The following ADAMTS17 variants were observed in gnomAD, a reference collection of about 807,000 sequenced individuals.
The protein encoded by ADAMTS17 is A disintegrin and metalloproteinase with thrombospondin motifs 17.
In ADAMTS17, 113 loss-of-function variants were observed where a neutral mutation model predicts 141.5. That is an observed-to-expected ratio of 0.80 (90% CI 0.69 to 0.93). The LOEUF is 0.93. ADAMTS17 is among the 40% of genes least tolerant of loss of function. The pLI, the probability that ADAMTS17 is intolerant of heterozygous loss-of-function variation, is 0.00. For missense variants in ADAMTS17, 1,659 were observed against 1,517.9 expected (o/e 1.09, Z -1.54); for synonymous variants, 768 against 630.6 (o/e 1.22, Z -3.27).
In ADAMTS17 at chr15:100,331,032, T is replaced by C. The variant is rs1407156322; in HGVS notation, c.473A>G (p.Gln158Arg). The change falls in exon 3 of 22, where the codon CAG (glutamine) becomes CGG (arginine). Residue 158 changes from glutamine to arginine, a missense_variant. Gln to Arg is a conservative substitution (Grantham distance 43). Transcript: ENST00000268070. ...GAGGGGCTGGATTAGCACCTGCTCC[T>C]GCCCAAGCTGAATGAGGCCAACCTG... ...GGLVGLIQLG[Q>R]EQVLIQPLNN... 2.5e-6 allele frequency: 4 copies of C among 1,614,164 alleles called. 1 individual carries two copies. The highest frequency in any genetic ancestry group is 2.2e-5 in the South Asian group (2 of 91,086).
chr15:100,187,704 C>T (rs1399332357), intron 8 of ADAMTS17, among the ~76,000 whole-genome samples: 2 of 152,200 alleles, frequency 1.3e-5, no homozygotes, highest in Non-Finnish European at 2.9e-5. Context: ...TGCCAACTCC[C>T]TATTTCACCA....
chr15:99,990,730 T>G (rs1345737821), intron 20 of ADAMTS17, among the ~76,000 whole-genome samples: 1 of 152,070 alleles, frequency 6.6e-6, no homozygotes, highest in Non-Finnish European at 1.5e-5. Flanking sequence ...TGATAAATTT[T>G]GCCTTCCAAT....
chr15:100,010,128 T>G (rs1048048894), intron 18 of ADAMTS17, among the ~76,000 whole-genome samples: 1 of 152,204 alleles, frequency 6.6e-6, no homozygotes, highest in African/African-American at 2.4e-5. Context: ...AGATGTGCCT[T>G]TGTTCTCTTT....
At chr15:100,106,537 C>T (rs572440029) in intron 14 of ADAMTS17, among the ~76,000 whole-genome samples, 18 of 152,262 alleles carry the variant, frequency 1.2e-4, no homozygotes, top group African/African-American at 4.3e-4. Flanking sequence ...TGGATGGAGC[C>T]CATTGGCACA....
intron 8 of ADAMTS17, among the ~76,000 whole-genome samples, chr15:100,165,903 T>C (rs968613863): frequency 1.3e-5 from 2 of 152,182 alleles, no homozygotes; most frequent in African/African-American, 2.4e-5. Context: ...TGTTTTTTTT[T>C]CCAGAATGGC....
At chr15:100,262,795 AAAC>A (rs1567450508) in intron 4 of ADAMTS17, among the ~76,000 whole-genome samples, 2 of 151,654 alleles carry the variant, frequency 1.3e-5, no homozygotes, top group Admixed American at 6.6e-5. Flanking sequence ...AAAAAAAAAA[AAAC>A]AAAAAACCTA....
intron 8 of ADAMTS17, among the ~76,000 whole-genome samples, chr15:100,183,044 G>A (rs7183852): frequency 0.35 from 53,552 of 151,722 alleles, 11,827 homozygotes; most frequent in Non-Finnish European, 0.49. Flanking sequence ...GCTGGAGTGC[G>A]GTGGCACGAT....
At chr15:99,977,381 T>C (rs2060372762) in intron 20 of ADAMTS17, among the ~76,000 whole-genome samples, 1 of 27,528 alleles carries the variant, frequency 3.6e-5, no homozygotes, top group African/African-American at 2.0e-4. Flanking sequence ...TATATATATA[T>C]ATATATATAT....
chr15:100,057,060 A>G (rs562162227), intron 15 of ADAMTS17, among the ~76,000 whole-genome samples: 1 of 152,170 alleles, frequency 6.6e-6, no homozygotes, highest in African/African-American at 2.4e-5. Context: ...GGCTGCCTGC[A>G]GTGTGTGAGG....
intron 15 of ADAMTS17, among the ~76,000 whole-genome samples, chr15:100,078,835 A>C (rs1216357916): frequency 2.6e-5 from 4 of 152,254 alleles, no homozygotes; most frequent in African/African-American, 9.6e-5. Context: ...AAGGAACTGC[A>C]TCCAGAATAT....
intron 6 of ADAMTS17, among the ~76,000 whole-genome samples, chr15:100,260,033 C>T (rs568156996): frequency 7.2e-5 from 11 of 152,110 alleles, no homozygotes; most frequent in South Asian, 2.1e-4. Flanking sequence ...TTAGTAGAGA[C>T]GGGGTTTCAT....
At chr15:100,297,145 T>C (rs191863351) in intron 3 of ADAMTS17, among the ~76,000 whole-genome samples, 1 of 150,670 alleles carries the variant, frequency 6.6e-6, no homozygotes, top group Admixed American at 6.6e-5. Context: ...CTAGGAGGAG[T>C]CCAGAGAGTG....
intron 10 of ADAMTS17, among the ~76,000 whole-genome samples, chr15:100,135,588 T>C (rs1296714007): frequency 6.6e-6 from 1 of 152,116 alleles, no homozygotes; most frequent in African/African-American, 2.4e-5. Context: ...TGGCCAAAAT[T>C]AACAACTTCT....
At chr15:100,222,541 C>A (rs559803780) in intron 7 of ADAMTS17, among the ~76,000 whole-genome samples, 108 of 152,310 alleles carry the variant, frequency 7.1e-4, no homozygotes, top group African/African-American at 2.4e-3. Flanking sequence ...GCCTCCGTGT[C>A]CCCCCTGAAC....
intron 15 of ADAMTS17, among the ~76,000 whole-genome samples, chr15:100,073,869 C>G (rs2141752507): frequency 6.6e-6 from 1 of 151,764 alleles, no homozygotes; most frequent in East Asian, 1.9e-4. Context: ...ACATATGTAA[C>G]AAACCTGCAC....
In ADAMTS17 at chr15:100,243,808, G is replaced by A. The variant is rs866877836; in HGVS notation, c.1075+10328C>T. ...CCATCTTAAAAAAAAAAAAAAGAAA[G>A]AAAAGAAAAAGAAATGAAATGAAAC... is the stretch of plus-strand genomic sequence containing the variant. On this transcript the variant is annotated intron_variant, in intron 7 of 21. Transcript: ENST00000268070. Among the ~76,000 whole-genome samples, 53 of 109,842 alleles carry A rather than the reference G, an allele frequency of 4.8e-4. 1 individual carries two copies. Among genetic ancestry groups the A allele is most frequent in the Middle Eastern group, 4.2e-3 (1 of 236 alleles). The allele number at this position is 109,842 out of a possible 152,430, so 72.1% of individuals were successfully genotyped here.
intron 18 of ADAMTS17, among the ~76,000 whole-genome samples, chr15:100,010,226 G>C (rs144539431): frequency 2.0e-5 from 3 of 152,178 alleles, no homozygotes; most frequent in Admixed American, 1.3e-4. Flanking sequence ...GCCCACTCTC[G>C]GGTATGTCTT....
intron 12 of ADAMTS17, among the ~76,000 whole-genome samples, chr15:100,119,135 G>A (rs2037319252): frequency 6.6e-6 from 1 of 151,958 alleles, no homozygotes; most frequent in Admixed American, 6.6e-5. Context: ...AGAGAGGCCT[G>A]GAACAGATTC....
chr15:100,161,448 C>A (rs550580691), intron 8 of ADAMTS17, among the ~76,000 whole-genome samples: 14 of 152,292 alleles, frequency 9.2e-5, no homozygotes, highest in African/African-American at 3.1e-4. Context: ...AGAGCTTGGG[C>A]TCCCGTGAAC....
Sources: gnomAD v4.1 joint callset for allele counts (sites outside exome capture counted in the v4.1 genomes callset) on GRCh38, gnomAD v4.1.1 for gene constraint, MANE v1.5 for transcripts, NCBI Gene and HGNC (gene_info 2026-07-23, HGNC 2026-07-21) for gene names.